The following PBX3 variants were observed in gnomAD, a reference collection of about 807,000 sequenced individuals.
PBX3 encodes PBX homeobox 3.
Under a neutral mutation model 48.5 loss-of-function variants are expected in PBX3, and 14 were observed. The observed-to-expected ratio is 0.29, with a 90% CI of 0.19 to 0.45. The LOEUF (loss-of-function observed/expected upper bound fraction) is 0.45, where lower values mean the gene tolerates loss of function less well. Ranked by LOEUF, PBX3 falls within the 20% of genes least tolerant of loss-of-function variation. The pLI, the probability that PBX3 is intolerant of heterozygous loss-of-function variation, is 1.00. For synonymous variants in PBX3, 210 were observed against 200.3 expected (o/e 1.05, Z -0.41); for missense variants, 386 against 546.7 (o/e 0.71, Z 2.93).
intron 2 of PBX3, among the ~76,000 whole-genome samples, chr9:125,794,821 A>C (rs991415957): frequency 2.0e-5 from 3 of 152,146 alleles, no homozygotes; most frequent in African/African-American, 7.2e-5. Context: ...GGCAGAATTA[A>C]GCACTGTTCA....
chr9:125,793,366 A>AAATATAT (rs59271982), intron 2 of PBX3, among the ~76,000 whole-genome samples: 2,746 of 101,806 alleles, frequency 0.027, 54 homozygotes, highest in East Asian at 0.036. Context: ...GGAAAAAAAA[A>AAATATAT]ATATATATAT....
In PBX3 at chr9:125,967,088, CA is replaced by C. The variant is rs10543594; in HGVS notation, c.*1181del. On this transcript the variant is annotated 3_prime_UTR_variant, in exon 9 of 9. Coordinates refer to ENST00000373489, the MANE Select transcript of PBX3 (RefSeq NM_006195.6). Reference sequence around the variant, plus strand: ...TTCTTCATCTTATTACTAATCCATGCAAAAAAAAAAAAAAAAGCAGCGACTA... The same window carrying C: ...TTCTTCATCTTATTACTAATCCATGCAAAAAAAAAAAAAAAGCAGCGACTA... The C allele has an allele frequency of 0.46, 53,663 of 117,302 alleles. 10,673 individuals carry two copies. The highest frequency in any genetic ancestry group is 0.6 in the African/African-American group (21,446 of 35,912). The allele number at this position is 117,302 out of a possible 1,614,324, so 7.3% of individuals were successfully genotyped here.
chr9:125,928,615 G>T (rs1353047193), intron 3 of PBX3, among the ~76,000 whole-genome samples: 1 of 151,956 alleles, frequency 6.6e-6, no homozygotes, highest in South Asian at 2.1e-4. Flanking sequence ...ACAGGCACCC[G>T]CCACCACGGT....
chr9:125,909,620 T>C (rs944805172), intron 2 of PBX3, among the ~76,000 whole-genome samples: 1 of 152,166 alleles, frequency 6.6e-6, no homozygotes, highest in African/African-American at 2.4e-5. Context: ...GATCCATAAG[T>C]GTTCTCTATG....
At chr9:125,841,249 A>T (rs1839282760) in intron 2 of PBX3, among the ~76,000 whole-genome samples, 1 of 152,200 alleles carries the variant, frequency 6.6e-6, no homozygotes, top group South Asian at 2.1e-4. Flanking sequence ...TAGATCTTAA[A>T]CTATTTGAAT....
chr9:125,831,654 A>C (rs1373207535), intron 2 of PBX3, among the ~76,000 whole-genome samples: 1 of 152,048 alleles, frequency 6.6e-6, no homozygotes, highest in Non-Finnish European at 1.5e-5. Context: ...GTGGTGTATA[A>C]CTTTTGATTT....
At chr9:125,823,758 A>AT (rs1399062218) in intron 2 of PBX3, among the ~76,000 whole-genome samples, 1 of 152,174 alleles carries the variant, frequency 6.6e-6, no homozygotes, top group Non-Finnish European at 1.5e-5. Flanking sequence ...CAGTTAAAAG[A>AT]TTTGGAACGT....
At chr9:125,922,763 GGT>G (rs1841483853) in intron 3 of PBX3, among the ~76,000 whole-genome samples, 1 of 152,152 alleles carries the variant, frequency 6.6e-6, no homozygotes, top group African/African-American at 2.4e-5. Context: ...TAAGGAGCTA[GGT>G]GATGAGACAG....
At chr9:125,939,237 T>C (rs1354254365) in intron 5 of PBX3, among the ~76,000 whole-genome samples, 2 of 152,052 alleles carry the variant, frequency 1.3e-5, no homozygotes, top group African/African-American at 4.8e-5. Flanking sequence ...AAATCCAAAA[T>C]ATATAAGGAA....
intron 2 of PBX3, among the ~76,000 whole-genome samples, chr9:125,826,393 A>C (rs1283284657): frequency 6.6e-6 from 1 of 152,214 alleles, no homozygotes; most frequent in Non-Finnish European, 1.5e-5. Flanking sequence ...ATTGAAAATC[A>C]GATAATATAA....
At chr9:125,893,727 G>T (rs923929307) in intron 2 of PBX3, among the ~76,000 whole-genome samples, 6 of 152,098 alleles carry the variant, frequency 3.9e-5, no homozygotes, top group Non-Finnish European at 8.8e-5. Context: ...GCATGTTGAT[G>T]GTCCTTTTCA....
At position 125,788,378 on chromosome 9, in the gene PBX3, C is replaced by T. The variant is rs141068725; in HGVS notation, c.274+39755C>T. 9.1e-3 allele frequency among the ~76,000 whole-genome samples: 1,381 copies of T among 152,134 alleles called. 29 individuals are homozygous for T. Among genetic ancestry groups the T allele is most frequent in the African/African-American group, 0.031 (1,292 of 41,488 alleles). ...CAATGTTACAGTAAAGCAGTGGTGT[C>T]GTGGGAAGGACATATCCCAAAACCC... On this transcript the variant is annotated intron_variant, in intron 2 of 8. Coordinates refer to ENST00000373489, the MANE Select transcript of PBX3 (RefSeq NM_006195.6).
chr9:125,791,355 A>G (rs1464991425), intron 2 of PBX3, among the ~76,000 whole-genome samples: 1 of 123,404 alleles, frequency 8.1e-6, no homozygotes, highest in Admixed American at 7.9e-5. Context: ...ATCTCTGTCA[A>G]TCATCTGTCA....
intron 2 of PBX3, among the ~76,000 whole-genome samples, chr9:125,822,459 T>G (rs575793911): frequency 2.5e-4 from 38 of 152,274 alleles, no homozygotes; most frequent in Admixed American, 7.8e-4. Context: ...CTCTTCTTTT[T>G]TTCCCTGTTC....
chr9:125,815,828 CTT>C (rs1333743233), intron 2 of PBX3, among the ~76,000 whole-genome samples: 1 of 152,110 alleles, frequency 6.6e-6, no homozygotes, highest in Non-Finnish European at 1.5e-5. Flanking sequence ...CTCTGTCAGT[CTT>C]TGCTGGGAAA....
chr9:125,835,015 C>CAAA (rs745638368), intron 2 of PBX3, among the ~76,000 whole-genome samples: 8 of 25,174 alleles, frequency 3.2e-4, no homozygotes, highest in Admixed American at 5.8e-4. Context: ...AACTCTGTCT[C>CAAA]AAAAAAAAAA....
chr9:125,864,657 G>T (rs1254264150), intron 2 of PBX3, among the ~76,000 whole-genome samples: 1 of 152,098 alleles, frequency 6.6e-6, no homozygotes, highest in Non-Finnish European at 1.5e-5. Flanking sequence ...ATCACAATAG[G>T]GTTCATGGTC....
In PBX3 at chr9:125,960,811, A is replaced by G. The variant is rs1195608553; in HGVS notation, c.971A>G (p.Gln324Arg). The change falls in exon 6 of 9, where the codon CAG becomes CGG. Residue 324 changes from glutamine to arginine, a missense_variant. This residue lies in a region of PBX3 where 127 missense variants were observed against 143.3 expected (regional missense o/e 0.89). Transcript: ENST00000373489. ...GCACACGCAGTAGCAGCAGCTGTGCAGAACAACCAGACCAATTCGCCCACC... is the reference window on the plus strand; with the variant it reads ...GCACACGCAGTAGCAGCAGCTGTGCGGAACAACCAGACCAATTCGCCCACC... ...TAAHAVAAAVQNNQTNSPTTP... is the reference protein window; with the variant it reads ...TAAHAVAAAVRNNQTNSPTTP... 6.2e-7 allele frequency: 1 copy of G among 1,614,192 alleles called. No homozygotes were observed. Among genetic ancestry groups the G allele is most frequent in the Admixed American group, 1.7e-5 (1 of 60,028 alleles).
chr9:125,957,404 A>G (rs895565558), intron 5 of PBX3, among the ~76,000 whole-genome samples: 4 of 152,194 alleles, frequency 2.6e-5, no homozygotes, highest in Admixed American at 6.5e-5. Context: ...AATAAAAACG[A>G]TCTGATGTCA....
Sources: gnomAD v4.1 joint callset for allele counts (sites outside exome capture counted in the v4.1 genomes callset) on GRCh38, gnomAD v4.1.1 for gene constraint, gnomAD v4.1.1 regional missense constraint, MANE v1.5 for transcripts, NCBI Gene and HGNC (gene_info 2026-07-23, HGNC 2026-07-21) for gene names.